PLCH1: variants seen among roughly 807,000 people sequenced by gnomAD.
The protein encoded by PLCH1 is 1-phosphatidylinositol 4,5-bisphosphate phosphodiesterase eta-1.
A neutral mutation model predicts 126.7 loss-of-function variants in PLCH1; 60 were observed. The observed-to-expected ratio is 0.47, with a 90% CI of 0.38 to 0.59. The LOEUF (loss-of-function observed/expected upper bound fraction) is 0.59, where lower values mean the gene tolerates loss of function less well. Among genes scored for constraint, PLCH1 ranks in the 20% least tolerant of loss-of-function variants. The pLI is 0.00. For missense variants in PLCH1, 1,723 were observed against 2,040.0 expected (o/e 0.84, Z 2.99); for synonymous variants, 719 against 734.9 (o/e 0.98, Z 0.35).
intron 10 of PLCH1, among the ~76,000 whole-genome samples, chr3:155,536,787 T>C (rs1723414858): frequency 6.6e-6 from 1 of 152,124 alleles, no homozygotes; most frequent in African/African-American, 2.4e-5. Context: ...CTGGCTTTGC[T>C]GGAGATCTAT....
chr3:155,649,914 C>T (rs1254132798), intron 2 of PLCH1, among the ~76,000 whole-genome samples: 2 of 151,990 alleles, frequency 1.3e-5, no homozygotes, highest in Admixed American at 6.6e-5. Flanking sequence ...GGAGGCGGAG[C>T]TTGCAGTGAG....
intron 2 of PLCH1, among the ~76,000 whole-genome samples, chr3:155,687,550 T>C (rs560772545): frequency 2.0e-5 from 3 of 152,270 alleles, no homozygotes; most frequent in Admixed American, 6.5e-5. Flanking sequence ...TCTACACTGA[T>C]TTATATAATT....
Position 155,605,211 on chromosome 3 carries a change from A to G in PLCH1, c.80-8833T>C, listed in dbSNP as rs144678761. On this transcript the variant is annotated intron_variant, in intron 2 of 22. Transcript: ENST00000460012. The stretch of plus-strand genomic sequence containing the variant: ...GGGAATTTTCAGGTTCACATCGGTG[A>G]CTAGTCTGAAAGGAGTCAACACACT... 7.2e-3 allele frequency among the ~76,000 whole-genome samples: 1,090 copies of G among 152,230 alleles called. 7 individuals are homozygous for G. Among genetic ancestry groups the G allele is most frequent in the South Asian group, 0.02 (98 of 4,822 alleles).
At chr3:155,676,599 C>T (rs1269500830) in intron 2 of PLCH1, among the ~76,000 whole-genome samples, 1 of 152,120 alleles carries the variant, frequency 6.6e-6, no homozygotes, top group Non-Finnish European at 1.5e-5. Flanking sequence ...GCAAACATCA[C>T]TCCATCGGAG....
At chr3:155,733,300 C>G (rs1183573926) in intron 1 of PLCH1, among the ~76,000 whole-genome samples, 1 of 152,146 alleles carries the variant, frequency 6.6e-6, no homozygotes, top group African/African-American at 2.4e-5. Context: ...AAGCATCATG[C>G]TACCTGATTT....
In PLCH1 at chr3:155,583,569, A is replaced by G. The variant is rs758633208; in HGVS notation, c.674T>C (p.Leu225Ser). 1 of 1,604,132 alleles carries G rather than the reference A, an allele frequency of 6.2e-7. No homozygotes were observed. Among genetic ancestry groups the G allele is most frequent in the Admixed American group, 1.7e-5 (1 of 57,200 alleles). The change falls in exon 6 of 23, where the codon TTG becomes TCG. Residue 225 changes from leucine to serine, a missense_variant. By Grantham distance (145) the Leu-to-Ser change is moderately radical. Transcript: ENST00000460012. ...AAGTAACAAATAAAGGTCTCGTCTC[A>G]AAGACATCATTTTGTAAAAAACACA... ...EFCVFYKMMS[L>S]RRDLYLLLLS...
chr3:155,634,940 A>C (rs1452317983), intron 2 of PLCH1, among the ~76,000 whole-genome samples: 1 of 152,160 alleles, frequency 6.6e-6, no homozygotes, highest in African/African-American at 2.4e-5. Flanking sequence ...AAAAGCGTGA[A>C]CTATGAAGGC....
At chr3:155,728,472 A>G (rs986729951) in intron 1 of PLCH1, among the ~76,000 whole-genome samples, 15 of 152,216 alleles carry the variant, frequency 9.9e-5, no homozygotes, top group Non-Finnish European at 1.8e-4. Context: ...CTGATAGAGA[A>G]ACTGAAGCAC....
intron 21 of PLCH1, among the ~76,000 whole-genome samples, chr3:155,458,634 G>A (rs1712591992): frequency 6.6e-6 from 1 of 151,964 alleles, no homozygotes; most frequent in African/African-American, 2.4e-5. Context: ...AAAAAGTGTG[G>A]GTAAACTGGA....
At chr3:155,680,831 G>A (rs2109014109) in intron 2 of PLCH1, among the ~76,000 whole-genome samples, 1 of 152,224 alleles carries the variant, frequency 6.6e-6, no homozygotes, top group Middle Eastern at 3.4e-3. Flanking sequence ...CTACCAAAAA[G>A]GGAATGATTG....
At chr3:155,669,968 C>T (rs887376055) in intron 2 of PLCH1, among the ~76,000 whole-genome samples, 6 of 152,162 alleles carry the variant, frequency 3.9e-5, no homozygotes, top group Non-Finnish European at 7.3e-5. Context: ...CATGTATGTA[C>T]TACATGTACC....
intron 2 of PLCH1, among the ~76,000 whole-genome samples, chr3:155,689,664 A>G (rs1477148128): frequency 6.6e-6 from 1 of 151,966 alleles, no homozygotes; most frequent in Non-Finnish European, 1.5e-5. Flanking sequence ...TTAATAGCAG[A>G]ATTGATCAAG....
chr3:155,510,339 A>C (rs1410549801), intron 12 of PLCH1, among the ~76,000 whole-genome samples: 4 of 46,864 alleles, frequency 8.5e-5, no homozygotes, highest in African/African-American at 2.9e-4. Context: ...TTAATTGCAG[A>C]ATTTAGTCCA....
chr3:155,578,436 A>G (rs139202113), intron 6 of PLCH1, among the ~76,000 whole-genome samples: 2 of 152,354 alleles, frequency 1.3e-5, no homozygotes, highest in African/African-American at 4.8e-5. Context: ...AAAGTAAAAT[A>G]TTAAGTAGGT....
chr3:155,586,235 A>G, intron 4 of PLCH1, 41 bp from the exon 5 acceptor site: 1 of 1,601,892 alleles, frequency 6.2e-7, no homozygotes, highest in Non-Finnish European at 8.5e-7. Flanking sequence ...TCTCATCAAA[A>G]TTAAAAACTG....
intron 2 of PLCH1, among the ~76,000 whole-genome samples, chr3:155,653,339 G>A (rs552607310): frequency 2.6e-5 from 4 of 152,136 alleles, no homozygotes; most frequent in African/African-American, 4.8e-5. Context: ...TTTTTGTTTC[G>A]TTTTGTTTTC....
At chr3:155,460,606 A>G (rs560486460) in intron 21 of PLCH1, among the ~76,000 whole-genome samples, 4 of 152,138 alleles carry the variant, frequency 2.6e-5, no homozygotes, top group African/African-American at 7.2e-5. Context: ...CAAGATAGTT[A>G]ATCAGAAGCA....
chr3:155,693,936 A>G (rs1365583008), intron 2 of PLCH1, among the ~76,000 whole-genome samples: 1 of 152,148 alleles, frequency 6.6e-6, no homozygotes, highest in Non-Finnish European at 1.5e-5. Flanking sequence ...GTCTTAAAAA[A>G]AAAAGAAAGA....
At chr3:155,712,820 T>C (rs1195207277) in intron 1 of PLCH1, among the ~76,000 whole-genome samples, 2 of 151,520 alleles carry the variant, frequency 1.3e-5, no homozygotes, top group Non-Finnish European at 1.5e-5. Context: ...ATTTGTCTAT[T>C]ACACCCTGAC....
Sources: gnomAD v4.1 joint callset for allele counts (sites outside exome capture counted in the v4.1 genomes callset) on GRCh38, gnomAD v4.1.1 for gene constraint, MANE v1.5 for transcripts, NCBI Gene and HGNC (gene_info 2026-07-23, HGNC 2026-07-21) for gene names.